Variants in EML6 observed in about 807,000 individuals in gnomAD.
The protein encoded by EML6 is echinoderm microtubule-associated protein-like 6.
In EML6, 154 loss-of-function variants were observed where a neutral mutation model predicts 240.1. The observed-to-expected ratio is 0.64, with a 90% CI of 0.56 to 0.73. The LOEUF is 0.73. Among genes scored for constraint, EML6 ranks in the 30% least tolerant of loss-of-function variants. EML6 has a pLI of 0.00. For missense variants in EML6, 2,964 were observed against 2,474.6 expected (o/e 1.20, Z -4.20); for synonymous variants, 1,148 against 899.0 (o/e 1.28, Z -4.95).
chr2:54,749,267 G>T (rs1188132558), intron 2 of EML6, among the ~76,000 whole-genome samples: 1 of 152,116 alleles, frequency 6.6e-6, no homozygotes, highest in South Asian at 2.1e-4. Context: ...CTTCTTTTCT[G>T]TTTGGTCTCT....
At chr2:54,759,592 G>A (rs1349507269) in intron 2 of EML6, among the ~76,000 whole-genome samples, 1 of 151,996 alleles carries the variant, frequency 6.6e-6, no homozygotes, top group African/African-American at 2.4e-5. Flanking sequence ...AATTAGCAAT[G>A]GATGCCAAAT....
intron 9 of EML6, among the ~76,000 whole-genome samples, chr2:54,847,943 C>T (rs571702468): frequency 1.4e-4 from 21 of 152,206 alleles, no homozygotes; most frequent in African/African-American, 4.8e-4. Context: ...GATTGCTGCC[C>T]CAGCCCCCAC....
intron 2 of EML6, among the ~76,000 whole-genome samples, chr2:54,767,671 ACTTT>A (rs1670383481): frequency 6.6e-6 from 1 of 150,378 alleles, no homozygotes; most frequent in Non-Finnish European, 1.5e-5. Context: ...TGGAAGAAGT[ACTTT>A]CTTTATTTTT....
At chr2:54,969,765 A>G (rs1190470237) in intron 41 of EML6, among the ~76,000 whole-genome samples, 1 of 152,206 alleles carries the variant, frequency 6.6e-6, no homozygotes, top group Non-Finnish European at 1.5e-5. Context: ...GAGGTGATAA[A>G]CCTTTTCAAT....
Position 54,950,778 on chromosome 2 carries a change from A to C in EML6, c.4212A>C (p.Thr1404=). The change falls in exon 30 of 42, where the codon ACA becomes ACC. Residue 1404 remains threonine (T), a splice_region_variant and synonymous_variant. Transcript: ENST00000356458. The stretch of plus-strand genomic sequence containing the variant: ...CTGGCATCGTTCAGAACCTCTCCAC[A>C]GGTAACCGGGGGTTAAAAAATACAG... ...AAAGIVQNLS[T]GSQSFYLEHT... 6.5e-7 allele frequency: 1 copy of C among 1,549,952 alleles called. No homozygotes were observed. The highest frequency in any genetic ancestry group is 8.7e-7 in the Non-Finnish European group (1 of 1,146,410).
At chr2:54,744,960 A>ACACACC (rs1230491754) in intron 2 of EML6, among the ~76,000 whole-genome samples, 97 of 88,330 alleles carry the variant, frequency 1.1e-3, no homozygotes, top group Non-Finnish European at 1.6e-3. Flanking sequence ...ACACACACAC[A>ACACACC]CACCCTGCCA....
At chr2:54,796,154 T>C (rs1304369031) in intron 2 of EML6, among the ~76,000 whole-genome samples, 1 of 152,190 alleles carries the variant, frequency 6.6e-6, no homozygotes, top group Non-Finnish European at 1.5e-5. Context: ...AGTATATAAG[T>C]AAAATCCCAA....
chr2:54,764,234 A>G (rs1038083144), intron 2 of EML6, among the ~76,000 whole-genome samples: 1 of 152,214 alleles, frequency 6.6e-6, no homozygotes, highest in Non-Finnish European at 1.5e-5. Flanking sequence ...TTAAGTCCAT[A>G]TAATTTCCTA....
intron 17 of EML6, among the ~76,000 whole-genome samples, chr2:54,889,978 T>G (rs867770312): frequency 4.6e-5 from 7 of 152,258 alleles, no homozygotes; most frequent in South Asian, 4.1e-4. Context: ...TTAGCTTGAA[T>G]AAATCTGGGT....
chr2:54,895,409 T>C lies in EML6; in HGVS notation c.2982+9T>C, dbSNP rs1009419262. The C allele has an allele frequency of 1.0e-5, 16 of 1,551,626 alleles. No individual in the cohort carries two copies. The highest frequency in any genetic ancestry group is 1.4e-5 in the Non-Finnish European group (16 of 1,146,844). ...TGACACTGCTTGTTCAGGTACTGTTTGTATGTATTCTAAACTGCAGTTCAC... is the reference window on the plus strand; with the variant it reads ...TGACACTGCTTGTTCAGGTACTGTTCGTATGTATTCTAAACTGCAGTTCAC... On this transcript the variant is annotated intron_variant, in intron 21 of 41. Transcript: ENST00000356458.
At chr2:54,775,432 G>A (rs189698576) in intron 2 of EML6, among the ~76,000 whole-genome samples, 41 of 152,120 alleles carry the variant, frequency 2.7e-4, no homozygotes, top group Admixed American at 2.2e-3. Context: ...TCCTCCCCTC[G>A]ATTTGGCCTT....
rs147867667 is a variant in EML6 at position 54,947,177 on chromosome 2, G to A, written c.4005-1705G>A. On this transcript the variant is annotated intron_variant, in intron 28 of 41. Coordinates refer to ENST00000356458, the MANE Select transcript of EML6 (RefSeq NM_001039753.4). ...GCTTGCTTTTGTCATACACTTAAACGTTCTTAGGTGAAAGAAGAAACCCAC... is the reference window on the plus strand; with the variant it reads ...GCTTGCTTTTGTCATACACTTAAACATTCTTAGGTGAAAGAAGAAACCCAC... 3.9e-4 allele frequency among the ~76,000 whole-genome samples: 60 copies of A among 152,076 alleles called. 1 individual carries two copies. In the East Asian group the frequency reaches 0.01, roughly 26 times the overall value.
At chr2:54,903,775 T>C (rs112361558) in intron 24 of EML6, among the ~76,000 whole-genome samples, 10 of 152,228 alleles carry the variant, frequency 6.6e-5, no homozygotes, top group African/African-American at 2.2e-4. Context: ...CCTTTTGTTA[T>C]CATAGCAAGC....
chr2:54,877,066 T>C (rs1160660499), intron 16 of EML6, among the ~76,000 whole-genome samples: 1 of 151,996 alleles, frequency 6.6e-6, no homozygotes, highest in Non-Finnish European at 1.5e-5. Flanking sequence ...CACTGCAGCC[T>C]GGACCTCCTG....
At chr2:54,918,831 C>T (rs1399657188) in intron 26 of EML6, among the ~76,000 whole-genome samples, 1 of 152,200 alleles carries the variant, frequency 6.6e-6, no homozygotes, top group African/African-American at 2.4e-5. Flanking sequence ...TTCTAATAAA[C>T]CAACCAATAA....
intron 7 of EML6, among the ~76,000 whole-genome samples, chr2:54,833,468 T>A (rs957536995): frequency 5.3e-5 from 8 of 152,238 alleles, no homozygotes; most frequent in Non-Finnish European, 1.0e-4. Context: ...TTCTTTTACA[T>A]CTTTGTAGTA....
Position 54,916,761 on chromosome 2 carries a change from CGAGAAGATA to C in EML6, c.3505_3513del (p.Lys1169_Glu1171del). 6.7e-7 allele frequency: 1 copy of C among 1,485,828 alleles called. No homozygotes were observed. The highest frequency in any genetic ancestry group is 1.3e-5 in the South Asian group (1 of 74,780). 92.0% of individuals were successfully genotyped at this position (1,485,828 alleles called of 1,614,324 possible). On this transcript the variant is annotated inframe_deletion, in exon 26 of 42. Coordinates refer to ENST00000356458, the MANE Select transcript of EML6 (RefSeq NM_001039753.4). ...CATTCTCTTTCGTTCTTTTTCAGAT[CGAGAAGATA>C]GAGTGGGACACATGGACCTGTGTCC...
chr2:54,810,348 GTAAC>G (rs1486273059), intron 2 of EML6, among the ~76,000 whole-genome samples: 1 of 152,170 alleles, frequency 6.6e-6, no homozygotes, highest in Non-Finnish European at 1.5e-5. Flanking sequence ...TGCTTATTGA[GTAAC>G]TAAGGCTCGT....
chr2:54,745,355 T>A (rs1314624736), intron 2 of EML6, among the ~76,000 whole-genome samples: 1 of 152,126 alleles, frequency 6.6e-6, no homozygotes, highest in African/African-American at 2.4e-5. Context: ...TAGTGCCTTC[T>A]ATGAAAGGTA....
Sources: gnomAD v4.1 joint callset for allele counts (sites outside exome capture counted in the v4.1 genomes callset) on GRCh38, gnomAD v4.1.1 for gene constraint, MANE v1.5 for transcripts, NCBI Gene and HGNC (gene_info 2026-07-23, HGNC 2026-07-21) for gene names.